Variants in SPATA6L observed in about 807,000 individuals in gnomAD.
SPATA6L encodes spermatogenesis associated 6 like, also known as spermatogenesis associated 6-like protein.
In SPATA6L, 68 loss-of-function variants were observed where a neutral mutation model predicts 49.2. The ratio of observed to expected loss-of-function variants is 1.38; its 90% CI spans 1.14 to 1.69. SPATA6L has a LOEUF of 1.69. SPATA6L is among the 40% of genes most tolerant of loss of function. SPATA6L has a pLI of 0.00. For missense variants in SPATA6L, 668 were observed against 464.3 expected, an observed-to-expected ratio of 1.44 and a Z score of -4.03; for synonymous variants, 198 against 165.7, an observed-to-expected ratio of 1.19 and a Z score of -1.50.
intron 4 of SPATA6L, 109 bp from the exon 5 acceptor site, chr9:4,629,277 A>T: frequency 3.0e-6 from 2 of 657,536 alleles, no homozygotes; most frequent in Non-Finnish European, 5.2e-6. Flanking sequence ...TGTGTGGCAT[A>T]ATCCACACAC....
At chr9:4,589,803 TGG>T (rs1821789595) in intron 13 of SPATA6L, among the ~76,000 whole-genome samples, 1 of 151,910 alleles carries the variant, frequency 6.6e-6, no homozygotes, top group Non-Finnish European at 1.5e-5. Flanking sequence ...GGGCCCCCCG[TGG>T]GGCTTTTTAA....
intron 5 of SPATA6L, chr9:4,628,738 A>G (rs1260704846): frequency 5.9e-6 from 1 of 169,972 alleles, no homozygotes; most frequent in South Asian, 1.5e-4. Flanking sequence ...TAAAATTTTT[A>G]AATTTTTAAA....
chr9:4,640,288 T>C (rs1342600741), intron 3 of SPATA6L, among the ~76,000 whole-genome samples: 1 of 152,236 alleles, frequency 6.6e-6, no homozygotes, highest in Non-Finnish European at 1.5e-5. Flanking sequence ...GGTCTTTATT[T>C]CTTGGCAGCA....
At chr9:4,661,187 C>G (rs917415948) in intron 2 of SPATA6L, among the ~76,000 whole-genome samples, 2 of 152,138 alleles carry the variant, frequency 1.3e-5, no homozygotes, top group Non-Finnish European at 2.9e-5. Flanking sequence ...TTCCTTCTCC[C>G]CAGATCTCCC....
In SPATA6L at chr9:4,666,393, C is replaced by T. The variant is rs759389563; in HGVS notation, c.-143G>A. The T allele has an allele frequency of 6.2e-6, 5 of 812,370 alleles. No homozygotes were observed. Among genetic ancestry groups the T allele is most frequent in the Non-Finnish European group, 8.2e-6 (4 of 486,752 alleles). The allele number at this position is 812,370 out of a possible 1,614,324, so 50.3% of individuals were successfully genotyped here. A position where few individuals can be genotyped will look rare whatever the true frequency, so the allele number is the denominator to read the frequency against. On this transcript the variant is annotated 5_prime_UTR_variant, in exon 1 of 12. Transcript: ENST00000682582. ...TCCCACGCCCTTGTTCCCCTACCGT[C>T]CCCCCCAGCCCAGGTCCCTCCCACC...
chr9:4,595,749 A>G (rs1030559884), downstream of SPATA6L, among the ~76,000 whole-genome samples: 1 of 152,234 alleles, frequency 6.6e-6, no homozygotes, highest in Admixed American at 6.5e-5. Flanking sequence ...GTATCTTGGT[A>G]CATAATCAGA....
chr9:4,654,982 G>A (rs73395716), intron 3 of SPATA6L, among the ~76,000 whole-genome samples: 10,838 of 152,100 alleles, frequency 0.071, 893 homozygotes, highest in African/African-American at 0.19. Flanking sequence ...TCATTTAAAG[G>A]TACCACTCTC....
At chr9:4,646,893 G>GA (rs375838934) in intron 3 of SPATA6L, among the ~76,000 whole-genome samples, 122 of 152,164 alleles carry the variant, frequency 8.0e-4, no homozygotes, top group African/African-American at 2.8e-3. Flanking sequence ...ACACAGAGGG[G>GA]ACCAATACAC....
downstream of SPATA6L, among the ~76,000 whole-genome samples, chr9:4,593,975 A>T (rs1288033320): frequency 1.3e-5 from 2 of 152,148 alleles, no homozygotes; most frequent in African/African-American, 2.4e-5. Flanking sequence ...AATATTATGG[A>T]TTCCACTACC....
intron 7 of SPATA6L, 122 bp from the exon 8 acceptor site, chr9:4,619,020 T>G (rs575633045): frequency 1.2e-6 from 1 of 834,612 alleles, no homozygotes; most frequent in South Asian, 1.7e-5. Flanking sequence ...ATTTAAAAAC[T>G]TAAATGCTCC....
downstream of SPATA6L, among the ~76,000 whole-genome samples, chr9:4,595,226 G>T (rs1349196511): frequency 1.3e-5 from 2 of 152,020 alleles, no homozygotes; most frequent in Admixed American, 6.6e-5. Flanking sequence ...TCCTTAAAAG[G>T]GCCAGGTACC....
At chr9:4,603,385 G>A (rs1418285110) in intron 11 of SPATA6L, among the ~76,000 whole-genome samples, 2 of 152,132 alleles carry the variant, frequency 1.3e-5, no homozygotes, top group African/African-American at 2.4e-5. Context: ...AACCAAGATT[G>A]CGCCATTGCA....
At chr9:4,666,186 G>C (rs1464987497) in intron 1 of SPATA6L, 26 bp downstream of exon 1, 1 of 1,613,524 alleles carries the variant, frequency 6.2e-7, no homozygotes, top group Non-Finnish European at 8.5e-7. Context: ...TTGAGGTTAA[G>C]GAGGGGGAGT....
chr9:4,647,596 AAAAC>A (rs750637590), intron 3 of SPATA6L, among the ~76,000 whole-genome samples: 6 of 152,172 alleles, frequency 3.9e-5, no homozygotes, highest in African/African-American at 7.2e-5. Context: ...ATCTTAAAAC[AAAAC>A]AAACAAACAA....
At chr9:4,613,319 C>A (rs1472398020) in intron 9 of SPATA6L, among the ~76,000 whole-genome samples, 2 of 151,984 alleles carry the variant, frequency 1.3e-5, no homozygotes. Flanking sequence ...TCTGGAAATC[C>A]AGTTGTTACT....
chr9:4,595,770 T>C (rs988947891), downstream of SPATA6L, among the ~76,000 whole-genome samples: 10 of 152,252 alleles, frequency 6.6e-5, no homozygotes, highest in Non-Finnish European at 1.3e-4. Flanking sequence ...TACTGCCTTA[T>C]ATTATTAAGT....
At chr9:4,657,785 T>C (rs1426248286) in intron 2 of SPATA6L, among the ~76,000 whole-genome samples, 3 of 152,226 alleles carry the variant, frequency 2.0e-5, no homozygotes. Flanking sequence ...GTAAAGTCTC[T>C]AGCTAAAGAT....
exon 14 of SPATA6L, chr9:4,588,879 G>A (rs1026232523): frequency 1.3e-5 from 2 of 152,210 alleles, no homozygotes; most frequent in African/African-American, 2.4e-5. Flanking sequence ...TCTTAGAAGA[G>A]CCATGGGAAG....
rs571157004 is a variant in SPATA6L at position 4,651,188 on chromosome 9, T to G, written c.226+4853A>C. On this transcript the variant is annotated intron_variant, in intron 3 of 11. Coordinates refer to ENST00000682582, the MANE Select transcript of SPATA6L (RefSeq NM_001353486.2). ...CCACTAATTGTTGTTGTTGTTGTTG[T>G]ATGGATGGGGGCTCCCATAAAAATA... 2.6e-5 allele frequency among the ~76,000 whole-genome samples: 4 copies of G among 152,178 alleles called. No homozygotes were observed. The East Asian group carries it at 7.7e-4, about 29-fold the overall frequency.
Sources: gnomAD v4.1 joint callset for allele counts (sites outside exome capture counted in the v4.1 genomes callset) on GRCh38, gnomAD v4.1.1 for gene constraint, MANE v1.5 for transcripts, NCBI Gene and HGNC (gene_info 2026-07-23, HGNC 2026-07-21) for gene names.